MAF: variants seen among roughly 807,000 people sequenced by gnomAD.
MAF encodes the protein MAF bZIP transcription factor.
A neutral mutation model predicts 22.0 loss-of-function variants in MAF; 10 were observed. The observed-to-expected ratio is 0.45, with a 90% confidence interval of 0.28 to 0.77. MAF has a LOEUF of 0.77. Ranked by LOEUF, MAF falls within the 30% of genes least tolerant of loss-of-function variation. The pLI is 0.12. For synonymous variants in MAF, 337 were observed against 255.8 expected, an observed-to-expected ratio of 1.32 and a Z score of -3.03; for missense variants, 544 against 548.4, an observed-to-expected ratio of 0.99 and a Z score of 0.08.
chr16:79,589,609 G>A (rs1913063754), downstream of MAF, among the ~76,000 whole-genome samples: 1 of 152,242 alleles, frequency 6.6e-6, no homozygotes, highest in African/African-American at 2.4e-5. Context: ...ATCGGGTGGA[G>A]TGAGGGGGTC....
downstream of MAF, among the ~76,000 whole-genome samples, chr16:79,590,234 G>C (rs539780037): frequency 6.6e-6 from 1 of 152,158 alleles, no homozygotes; most frequent in Non-Finnish European, 1.5e-5. Context: ...GGGGCATGGA[G>C]GGAGGGTTGT....
the MAF span, among the ~76,000 whole-genome samples, chr16:79,512,796 G>A: frequency 6.6e-6 from 1 of 152,214 alleles, no homozygotes; most frequent in Non-Finnish European, 1.5e-5. Context: ...CTCTTCCAAG[G>A]GTTAAGGATG....
the MAF span, among the ~76,000 whole-genome samples, chr16:79,508,173 G>C: frequency 6.6e-6 from 1 of 152,146 alleles, no homozygotes; most frequent in Non-Finnish European, 1.5e-5. Flanking sequence ...CACTGTGCAG[G>C]GGATAATTCT....
chr16:79,360,757 TC>T, the MAF span, among the ~76,000 whole-genome samples: 3 of 152,092 alleles, frequency 2.0e-5, no homozygotes, highest in Admixed American at 1.3e-4. Flanking sequence ...AGCGGCAAGA[TC>T]CACTGCAAGA....
the MAF span, among the ~76,000 whole-genome samples, chr16:79,352,689 A>T: frequency 6.6e-6 from 1 of 152,206 alleles, no homozygotes; most frequent in Non-Finnish European, 1.5e-5. Flanking sequence ...CTTTCAACCA[A>T]ACCAACAGGG....
At chr16:79,274,048 A>C in the MAF span, among the ~76,000 whole-genome samples, 1 of 148,688 alleles carries the variant, frequency 6.7e-6, no homozygotes, top group South Asian at 2.2e-4. Context: ...TCCACCTCCC[A>C]GGTTCAAGCA....
the MAF span, among the ~76,000 whole-genome samples, chr16:79,270,814 T>G: frequency 3.9e-5 from 6 of 152,044 alleles, no homozygotes; most frequent in Non-Finnish European, 8.8e-5. Flanking sequence ...CACCATGCAC[T>G]GACCACAACC....
the MAF span, among the ~76,000 whole-genome samples, chr16:79,482,645 C>A: frequency 6.6e-6 from 1 of 152,116 alleles, no homozygotes; most frequent in Non-Finnish European, 1.5e-5. Context: ...AGCAGTGAAG[C>A]ACGGAGCATG....
chr16:79,303,676 A>G, the MAF span, among the ~76,000 whole-genome samples: 1 of 152,220 alleles, frequency 6.6e-6, no homozygotes, highest in African/African-American at 2.4e-5. Context: ...GACTGTCAGG[A>G]GTACTGTGTT....
the MAF span, among the ~76,000 whole-genome samples, chr16:79,491,671 T>C: frequency 7.9e-5 from 12 of 152,288 alleles, no homozygotes; most frequent in East Asian, 2.3e-3. Flanking sequence ...AAAAATATTC[T>C]GCTCCAGACA....
At chr16:79,204,357 A>G in the MAF span, 1 of 152,142 alleles carries the variant, frequency 6.6e-6, no homozygotes. Context: ...ACAAGTGTGC[A>G]TGTAATGACC....
the MAF span, among the ~76,000 whole-genome samples, chr16:79,487,828 C>A: frequency 1.3e-5 from 2 of 152,146 alleles, no homozygotes; most frequent in Admixed American, 1.3e-4. Context: ...AGAATCCCTC[C>A]CCCTTGCTCT....
the MAF span, among the ~76,000 whole-genome samples, chr16:79,519,725 G>C: frequency 6.6e-6 from 1 of 152,240 alleles, no homozygotes; most frequent in African/African-American, 2.4e-5. Flanking sequence ...AATTGTACTG[G>C]TTTGCACTTC....
At chr16:79,588,599 T>G (rs1913001898) in intron 1 of MAF, among the ~76,000 whole-genome samples, 1 of 151,966 alleles carries the variant, frequency 6.6e-6, no homozygotes, top group African/African-American at 2.4e-5. Flanking sequence ...GTAGCTGGGA[T>G]TACAGGCACG....
At chr16:79,563,336 G>T in the MAF span, among the ~76,000 whole-genome samples, 2 of 152,310 alleles carry the variant, frequency 1.3e-5, no homozygotes, top group South Asian at 4.1e-4. Context: ...TATTAATTTT[G>T]TTTGACTCTA....
the MAF span, among the ~76,000 whole-genome samples, chr16:79,230,153 C>T: frequency 6.6e-6 from 1 of 152,094 alleles, no homozygotes; most frequent in Non-Finnish European, 1.5e-5. Context: ...CTTTGAGAAA[C>T]ATTTCTGGTT....
the MAF span, among the ~76,000 whole-genome samples, chr16:79,299,853 TC>T: frequency 6.6e-6 from 1 of 152,236 alleles, no homozygotes; most frequent in Admixed American, 6.5e-5. Flanking sequence ...AAAGGCTTTA[TC>T]CTTTTTTCTG....
chr16:79,462,478 T>G, the MAF span, among the ~76,000 whole-genome samples: 2 of 152,302 alleles, frequency 1.3e-5, no homozygotes, highest in African/African-American at 4.8e-5. Flanking sequence ...TTACCCCACC[T>G]AACAATTCCC....
At chr16:79,317,771 A>G in the MAF span, among the ~76,000 whole-genome samples, 1 of 152,272 alleles carries the variant, frequency 6.6e-6, no homozygotes, top group South Asian at 2.1e-4. Flanking sequence ...GCTCCACCTG[A>G]TGCTAGCCCA....
Sources: gnomAD v4.1 joint callset for allele counts (sites outside exome capture counted in the v4.1 genomes callset) on GRCh38, gnomAD v4.1.1 for gene constraint, MANE v1.5 for transcripts, NCBI Gene and HGNC (gene_info 2026-07-23, HGNC 2026-07-21) for gene names.